NME9: variants seen among roughly 807,000 people sequenced by gnomAD.
The protein encoded by NME9 is NME/NM23 family member 9.
A neutral mutation model predicts 44.4 loss-of-function variants in NME9; 48 were observed. The ratio of observed to expected loss-of-function variants is 1.08; its 90% CI spans 0.86 to 1.37. NME9 has a LOEUF of 1.37. NME9 is among the 40% of genes most tolerant of loss of function. NME9 has a pLI of 0.00. For missense variants in NME9, 325 were observed against 405.2 expected (o/e 0.80, Z 1.70); for synonymous variants, 139 against 147.1 (o/e 0.94, Z 0.40).
At chr3:138,281,752 C>T (rs992384237) in intron 8 of NME9, among the ~76,000 whole-genome samples, 4 of 152,260 alleles carry the variant, frequency 2.6e-5, no homozygotes, top group Admixed American at 6.5e-5. Context: ...ACTCACCTGT[C>T]TTGCTGACCT....
At chr3:138,284,326 T>G in intron 8 of NME9, 42 of 781,694 alleles carry the variant, frequency 5.4e-5, no homozygotes, top group Non-Finnish European at 8.1e-5. Context: ...GTGGAACCTG[T>G]GAGAATCCAT....
intron 4 of NME9, among the ~76,000 whole-genome samples, 179 bp from the exon 5 acceptor site, chr3:138,315,822 T>TTTTG (rs555409101): frequency 2.0e-3 from 309 of 152,026 alleles, no homozygotes; most frequent in Middle Eastern, 0.01. Context: ...CTCCTAGGTT[T>TTTTG]TTTGTTTGTT....
intron 8 of NME9, chr3:138,264,146 A>G: frequency 6.2e-7 from 1 of 1,613,510 alleles, no homozygotes; most frequent in Non-Finnish European, 8.5e-7. Flanking sequence ...TGCACAGTTT[A>G]TCCAGATCTG....
intron 8 of NME9, among the ~76,000 whole-genome samples, chr3:138,295,339 G>A (rs2051380850): frequency 6.6e-6 from 1 of 152,214 alleles, no homozygotes; most frequent in African/African-American, 2.4e-5. Flanking sequence ...CCACGGTTCT[G>A]AGGCATGTGA....
In NME9 at chr3:138,283,711, A is replaced by T. The variant is rs552000048; in HGVS notation, c.745+19796T>A. 2.0e-5 allele frequency among the ~76,000 whole-genome samples: 3 copies of T among 152,334 alleles called. No homozygotes were observed. The East Asian group carries it at 5.8e-4, about 29-fold the overall frequency. Reference sequence around the variant, plus strand: ...TCTGGCTTTGAGAATGGAACAGCTGACAAGAACAGTTTTTCCTTTGAGAAG... The same window carrying T: ...TCTGGCTTTGAGAATGGAACAGCTGTCAAGAACAGTTTTTCCTTTGAGAAG... On this transcript the variant is annotated intron_variant, in intron 8 of 8. Coordinates refer to the NME9 transcript ENST00000317876.
intron 8 of NME9, among the ~76,000 whole-genome samples, chr3:138,289,818 C>G (rs1214380007): frequency 6.6e-6 from 1 of 152,156 alleles, no homozygotes; most frequent in African/African-American, 2.4e-5. Flanking sequence ...GTGCAGATTT[C>G]TGGGCCCCAT....
At chr3:138,268,395 G>C (rs1364048273) in intron 8 of NME9, among the ~76,000 whole-genome samples, 11 of 152,200 alleles carry the variant, frequency 7.2e-5, no homozygotes, top group African/African-American at 2.7e-4. Flanking sequence ...TCTCTGCCCT[G>C]TAGACGGGGT....
chr3:138,284,830 CT>C (rs1480500869), intron 8 of NME9, among the ~76,000 whole-genome samples: 1 of 152,210 alleles, frequency 6.6e-6, no homozygotes, highest in African/African-American at 2.4e-5. Context: ...CCTCCAGTCC[CT>C]GTCTTCTGTC....
At chr3:138,286,498 A>G (rs1055803979) in intron 8 of NME9, among the ~76,000 whole-genome samples, 7 of 152,212 alleles carry the variant, frequency 4.6e-5, no homozygotes, top group African/African-American at 1.7e-4. Context: ...CTTGCGTGAC[A>G]CCATACCTCC....
intron 8 of NME9, chr3:138,262,633 C>A: frequency 6.6e-7 from 1 of 1,518,438 alleles, no homozygotes; most frequent in Non-Finnish European, 8.8e-7. Context: ...CTAGCCCTGA[C>A]CCTGGAGAAT....
At chr3:138,322,521 T>TGTGTGTGC (rs59463925) in intron 2 of NME9, among the ~76,000 whole-genome samples, 26 of 149,800 alleles carry the variant, frequency 1.7e-4, no homozygotes, top group African/African-American at 6.4e-4. Context: ...TGTGTGTGTG[T>TGTGTGTGC]CTGTGCATGC....
At chr3:138,265,275 C>A (rs1438761701) in intron 8 of NME9, among the ~76,000 whole-genome samples, 2 of 152,142 alleles carry the variant, frequency 1.3e-5, no homozygotes, top group Non-Finnish European at 1.5e-5. Flanking sequence ...AAAAAAGGTT[C>A]AGGACAAATG....
intron 6 of NME9, among the ~76,000 whole-genome samples, chr3:138,312,367 T>G (rs902833059): frequency 6.6e-6 from 1 of 152,164 alleles, no homozygotes; most frequent in African/African-American, 2.4e-5. Context: ...GACTTCAGAT[T>G]ATACTACAAA....
At chr3:138,322,483 G>GT (rs1294741909) in intron 2 of NME9, among the ~76,000 whole-genome samples, 1 of 92,620 alleles carries the variant, frequency 1.1e-5, no homozygotes, top group Non-Finnish European at 2.2e-5. Flanking sequence ...ACAAGAAAAA[G>GT]GGGTGTGTGT....
chr3:138,317,367 A>G (rs1480868002), intron 4 of NME9, among the ~76,000 whole-genome samples: 1 of 152,208 alleles, frequency 6.6e-6, no homozygotes, highest in Non-Finnish European at 1.5e-5. Flanking sequence ...GACCTGGTTG[A>G]GTAGATCCCA....
intron 8 of NME9, among the ~76,000 whole-genome samples, chr3:138,282,149 G>T (rs1380145637): frequency 1.3e-5 from 2 of 152,340 alleles, no homozygotes; most frequent in South Asian, 2.1e-4. Context: ...GCAGAGACTG[G>T]TTGGTGAGGA....
At chr3:138,310,749 G>C (rs2052644170) in intron 6 of NME9, among the ~76,000 whole-genome samples, 1 of 152,162 alleles carries the variant, frequency 6.6e-6, no homozygotes, top group African/African-American at 2.4e-5. Context: ...AAATCTACAG[G>C]ATACAGTAAA....
intron 1 of NME9, among the ~76,000 whole-genome samples, chr3:138,327,459 T>C (rs998314119): frequency 1.3e-5 from 2 of 152,044 alleles, no homozygotes; most frequent in Non-Finnish European, 2.9e-5. Context: ...CTCTGGGCAG[T>C]TGAAGAATCT....
intron 8 of NME9, among the ~76,000 whole-genome samples, chr3:138,273,374 C>T (rs1232295487): frequency 6.6e-6 from 1 of 152,260 alleles, no homozygotes; most frequent in Non-Finnish European, 1.5e-5. Context: ...CAGAGGAAAA[C>T]ATGACCAGTG....
Sources: gnomAD v4.1 joint callset for allele counts (sites outside exome capture counted in the v4.1 genomes callset) on GRCh38, gnomAD v4.1.1 for gene constraint, MANE v1.5 for transcripts, NCBI Gene and HGNC (gene_info 2026-07-23, HGNC 2026-07-21) for gene names.